The following TEAD1 variants were observed in gnomAD, a reference collection of about 807,000 sequenced individuals.
TEAD1 encodes transcriptional enhancer factor TEF-1.
In TEAD1, 9 loss-of-function variants were observed where a neutral mutation model predicts 54.9. The ratio of observed to expected loss-of-function variants is 0.16; its 90% CI spans 0.10 to 0.29. TEAD1 has a LOEUF of 0.29. Among genes scored for constraint, TEAD1 ranks in the 10% least tolerant of loss-of-function variants. The probability of loss-of-function intolerance (pLI) is 1.00; values close to 1 mark genes in which losing one functional copy is unlikely to be tolerated. For missense variants in TEAD1, 387 were observed against 535.9 expected, an observed-to-expected ratio of 0.72 and a Z score of 2.74; for synonymous variants, 200 against 187.8, an observed-to-expected ratio of 1.07 and a Z score of -0.53.
intron 3 of TEAD1, among the ~76,000 whole-genome samples, chr11:12,830,007 C>T (rs1946739848): frequency 6.6e-6 from 1 of 151,962 alleles, no homozygotes; most frequent in African/African-American, 2.4e-5. Flanking sequence ...CTGAGCTGGG[C>T]CTTGGGAGTG....
chr11:12,920,737 G>A (rs1376301065), intron 10 of TEAD1, among the ~76,000 whole-genome samples: 1 of 152,222 alleles, frequency 6.6e-6, no homozygotes, highest in Non-Finnish European at 1.5e-5. Context: ...AGCACATGGA[G>A]ACTCTTTTTC....
chr11:12,778,303 G>T (rs1564936506), intron 3 of TEAD1, among the ~76,000 whole-genome samples: 1 of 152,156 alleles, frequency 6.6e-6, no homozygotes, highest in South Asian at 2.1e-4. Context: ...TAGGGTGGAA[G>T]AGAGTTTTGG....
chr11:12,779,916 C>T (rs909030980), intron 3 of TEAD1, among the ~76,000 whole-genome samples: 2 of 152,220 alleles, frequency 1.3e-5, no homozygotes, highest in African/African-American at 4.8e-5. Context: ...AAGAGAGCCT[C>T]TCACCTGCTA....
At chr11:12,750,849 G>C (rs771008813) in intron 2 of TEAD1, among the ~76,000 whole-genome samples, 1 of 152,170 alleles carries the variant, frequency 6.6e-6, no homozygotes, top group South Asian at 2.1e-4. Context: ...CCGAGAGACA[G>C]AATAAACTCC....
chr11:12,738,395 C>T (rs1200963971), intron 2 of TEAD1, among the ~76,000 whole-genome samples: 1 of 152,114 alleles, frequency 6.6e-6, no homozygotes, highest in Non-Finnish European at 1.5e-5. Context: ...AGGTGTCTGA[C>T]AAATTGATCA....
intron 3 of TEAD1, among the ~76,000 whole-genome samples, chr11:12,773,328 C>G (rs1945351449): frequency 6.6e-6 from 1 of 152,198 alleles, no homozygotes; most frequent in Non-Finnish European, 1.5e-5. Flanking sequence ...TTTGTACATT[C>G]AGTATTTTTT....
intron 9 of TEAD1, among the ~76,000 whole-genome samples, chr11:12,895,689 T>C (rs978986562): frequency 6.6e-6 from 1 of 152,272 alleles, no homozygotes; most frequent in African/African-American, 2.4e-5. Context: ...ATAAGCCAGA[T>C]TGAAGCACGT....
intron 3 of TEAD1, among the ~76,000 whole-genome samples, chr11:12,825,690 TAAAC>T (rs1377392247): frequency 6.6e-6 from 1 of 151,988 alleles, no homozygotes; most frequent in Non-Finnish European, 1.5e-5. Flanking sequence ...TGACCTAGAA[TAAAC>T]AAAACAATTC....
chr11:12,677,648 C>G (rs978487978), intron 2 of TEAD1, among the ~76,000 whole-genome samples: 2 of 152,158 alleles, frequency 1.3e-5, no homozygotes, highest in Non-Finnish European at 2.9e-5. Context: ...GAAGAATATA[C>G]TTTTATCATC....
At chr11:12,863,194 C>A (rs1319456784) in intron 4 of TEAD1, among the ~76,000 whole-genome samples, 1 of 152,326 alleles carries the variant, frequency 6.6e-6, no homozygotes, top group East Asian at 1.9e-4. Context: ...GATTTCAGTT[C>A]TCTTCCCAGT....
chr11:12,926,782 G>A (rs1948910045), intron 11 of TEAD1, among the ~76,000 whole-genome samples: 1 of 152,112 alleles, frequency 6.6e-6, no homozygotes, highest in African/African-American at 2.4e-5. Context: ...TGAGTGGGGA[G>A]GGCGGGAATT....
intron 2 of TEAD1, among the ~76,000 whole-genome samples, chr11:12,709,986 A>G (rs545584477): frequency 3.8e-4 from 57 of 150,420 alleles, no homozygotes; most frequent in African/African-American, 1.3e-3. Flanking sequence ...CTAAACAGTA[A>G]TGAGAAAAGA....
intron 3 of TEAD1, among the ~76,000 whole-genome samples, chr11:12,826,414 CTGGGTCCTCCATAG>C (rs1946656908): frequency 6.6e-6 from 1 of 152,180 alleles, no homozygotes; most frequent in Non-Finnish European, 1.5e-5. Context: ...CCTGTCAACT[CTGGGTCCTCCATAG>C]TGGGGAATCC....
chr11:12,715,642 G>T (rs974786148), intron 2 of TEAD1, among the ~76,000 whole-genome samples: 9 of 152,128 alleles, frequency 5.9e-5, no homozygotes, highest in African/African-American at 2.2e-4. Flanking sequence ...GGCTTTGCCA[G>T]AAGGGGTTGG....
At chr11:12,838,580 A>T (rs1209918022) in intron 3 of TEAD1, among the ~76,000 whole-genome samples, 5 of 152,238 alleles carry the variant, frequency 3.3e-5, no homozygotes, top group Non-Finnish European at 7.3e-5. Flanking sequence ...TAAAACGTTC[A>T]TGTAAAACAA....
chr11:12,901,866 T>G, intron 9 of TEAD1, 74 bp from the exon 10 acceptor site: 1 of 1,592,166 alleles, frequency 6.3e-7, no homozygotes, highest in Non-Finnish European at 8.6e-7. Context: ...CTGCTCTTTA[T>G]CCAGTTCAAG....
At chr11:12,758,241 T>A (rs1945024490) in intron 2 of TEAD1, among the ~76,000 whole-genome samples, 2 of 151,398 alleles carry the variant, frequency 1.3e-5, no homozygotes, top group Admixed American at 1.3e-4. Context: ...TTGTTTTTTT[T>A]TTTTTAATTT....
Position 12,924,958 on chromosome 11 carries a change from G to T in TEAD1, c.920G>T (p.Gly307Val), listed in dbSNP as rs755221615. 1 of 1,614,124 alleles carries T rather than the reference G, an allele frequency of 6.2e-7. No homozygotes were observed. The highest frequency in any genetic ancestry group is 8.5e-7 in the Non-Finnish European group (1 of 1,180,026). Residue 307 changes from glycine (G) to valine (V), a missense_variant, in exon 11 of 13, where the codon GGT (glycine) becomes GTT (valine). By Grantham distance (109) the Gly-to-Val change is moderately radical. Around this residue, in one of 5 missense-constraint regions of TEAD1, gnomAD observed 123 missense variants for 199.0 expected, o/e 0.62. Coordinates refer to ENST00000527636, the MANE Select transcript of TEAD1 (RefSeq NM_021961.6). Reference sequence around the variant, plus strand: ...CAAGATGATGCTGGGGCTTTTTATGGTGTAACCAGTCAGTACGAGAGTTCT... The same window carrying T: ...CAAGATGATGCTGGGGCTTTTTATGTTGTAACCAGTCAGTACGAGAGTTCT...
rs533105941 is a variant in TEAD1, at chr11:12,698,224, G to A, written c.-55+22663G>A. On this transcript the variant is annotated intron_variant, in intron 2 of 12. Transcript: ENST00000527636. ...CAAGTGAGGAAGCGGGGACCGGGAG[G>A]TGAGGAGCCTTGCCGTGAAGCCATG... 2.0e-4 allele frequency among the ~76,000 whole-genome samples: 30 copies of A among 152,242 alleles called. No homozygotes were observed. In the South Asian group the frequency reaches 6.0e-3, roughly 31 times the overall value.
Sources: allele counts gnomAD v4.1 joint callset (sites outside exome capture counted in the v4.1 genomes callset), GRCh38; gene constraint gnomAD v4.1.1; regional missense constraint gnomAD v4.1.1; transcripts MANE v1.5; gene names NCBI Gene and HGNC (gene_info 2026-07-23, HGNC 2026-07-21).